Variants in WDPCP observed in about 807,000 individuals in gnomAD.
WDPCP encodes the protein WD repeat containing planar cell polarity effector.
WDPCP carries 71 observed loss-of-function variants against 93.1 expected under a neutral mutation model. The observed-to-expected ratio is 0.76, with a 90% confidence interval of 0.63 to 0.93. WDPCP has a LOEUF of 0.93. Ranked by LOEUF, WDPCP falls within the 40% of genes least tolerant of loss-of-function variation. The pLI, the probability that WDPCP is intolerant of heterozygous loss-of-function variation, is 0.00. For missense variants in WDPCP, 844 were observed against 887.4 expected (o/e 0.95, Z 0.62); for synonymous variants, 315 against 315.0 (o/e 1.00, Z 0.00).
At chr2:63,203,716 T>C (rs1676102195) in intron 14 of WDPCP, among the ~76,000 whole-genome samples, 1 of 152,200 alleles carries the variant, frequency 6.6e-6, no homozygotes, top group South Asian at 2.1e-4. Flanking sequence ...AATTTTTAGC[T>C]CTTATAAATA....
chr2:63,327,433 A>T (rs1338505568), intron 12 of WDPCP, among the ~76,000 whole-genome samples: 1 of 152,114 alleles, frequency 6.6e-6, no homozygotes, highest in African/African-American at 2.4e-5. Context: ...ATTACCACAC[A>T]CTCTCAAAGG....
chr2:63,315,280 G>A (rs536371214), intron 12 of WDPCP, among the ~76,000 whole-genome samples: 1 of 152,278 alleles, frequency 6.6e-6, no homozygotes, highest in East Asian at 1.9e-4. Flanking sequence ...CAAAACTCAA[G>A]TTAAAGGTGA....
chr2:63,254,140 A>G (rs1245208300), intron 14 of WDPCP, among the ~76,000 whole-genome samples: 1 of 152,170 alleles, frequency 6.6e-6, no homozygotes, highest in Non-Finnish European at 1.5e-5. Context: ...ATAGAAAACC[A>G]AATACCACAT....
chr2:63,210,920 C>T (rs1574883078), intron 14 of WDPCP, among the ~76,000 whole-genome samples: 1 of 152,324 alleles, frequency 6.6e-6, no homozygotes, highest in Non-Finnish European at 1.5e-5. Flanking sequence ...GGACACCCGC[C>T]ATTGCTGAGG....
At chr2:63,291,918 G>A (rs1684457838) in intron 13 of WDPCP, among the ~76,000 whole-genome samples, 1 of 151,884 alleles carries the variant, frequency 6.6e-6, no homozygotes, top group African/African-American at 2.4e-5. Flanking sequence ...CGGATCATGA[G>A]GTCAGGAGAT....
intron 3 of WDPCP, among the ~76,000 whole-genome samples, chr2:63,647,089 T>C (rs1296362920): frequency 6.6e-6 from 1 of 152,154 alleles, no homozygotes; most frequent in African/African-American, 2.4e-5. Context: ...GTGTGCTTCA[T>C]TGTTTTTTCT....
At chr2:63,582,808 G>C (rs1708581594) in intron 1 of WDPCP, among the ~76,000 whole-genome samples, 1 of 152,056 alleles carries the variant, frequency 6.6e-6, no homozygotes, top group South Asian at 2.1e-4. Context: ...TATCAATCTA[G>C]AACTCTATAT....
intron 15 of WDPCP, among the ~76,000 whole-genome samples, chr2:63,156,655 T>C (rs1241727146): frequency 1.3e-5 from 2 of 152,112 alleles, no homozygotes; most frequent in Admixed American, 6.5e-5. Flanking sequence ...GGGGAATTGC[T>C]TGAACCAGGG....
chr2:63,755,556 G>A (rs72808211), intron 2 of WDPCP, among the ~76,000 whole-genome samples: 3,857 of 152,234 alleles, frequency 0.025, 52 homozygotes, highest in Non-Finnish European at 0.04. Flanking sequence ...AAAAGTTGAC[G>A]TTAGTGAGCA....
chr2:63,766,221 T>C (rs1670134672), intron 2 of WDPCP, among the ~76,000 whole-genome samples: 1 of 152,210 alleles, frequency 6.6e-6, no homozygotes, highest in African/African-American at 2.4e-5. Flanking sequence ...AATCAGTGAG[T>C]CTCATCCCTC....
At chr2:63,756,512 A>G (rs1172795592) in intron 2 of WDPCP, among the ~76,000 whole-genome samples, 1 of 152,208 alleles carries the variant, frequency 6.6e-6, no homozygotes, top group African/African-American at 2.4e-5. Flanking sequence ...AGAATTTAAT[A>G]ACATTTACCT....
intron 14 of WDPCP, among the ~76,000 whole-genome samples, chr2:63,238,196 T>C (rs1478880393): frequency 6.6e-6 from 1 of 152,106 alleles, no homozygotes; most frequent in East Asian, 1.9e-4. Flanking sequence ...CTCAGATAAT[T>C]ACACCACTGA....
chr2:63,475,788 T>G (rs775653505), intron 6 of WDPCP, among the ~76,000 whole-genome samples: 107 of 152,128 alleles, frequency 7.0e-4, no homozygotes, highest in Non-Finnish European at 1.5e-3. Context: ...TTTCTTCTGT[T>G]GGCTTAATTT....
At chr2:63,567,104 A>G (rs943106451) in intron 1 of WDPCP, among the ~76,000 whole-genome samples, 1 of 152,130 alleles carries the variant, frequency 6.6e-6, no homozygotes, top group African/African-American at 2.4e-5. Context: ...GTGTTCACCA[A>G]CCCAGAAGCT....
chr2:63,593,107 G>GT (rs34177697), upstream of WDPCP: 6,203 of 147,246 alleles, frequency 0.042, 149 homozygotes, highest in Middle Eastern at 0.11. Flanking sequence ...GTTGTTTTTT[G>GT]TTTTTTTTTT....
At chr2:63,828,173 T>G (rs1413092205), upstream of WDPCP, among the ~76,000 whole-genome samples, 1 of 152,118 alleles carries the variant, frequency 6.6e-6, no homozygotes, top group Non-Finnish European at 1.5e-5. Context: ...TACTTTTTTT[T>G]TTTTTCATTC....
intron 3 of WDPCP, chr2:63,605,177 A>T: frequency 1.3e-6 from 1 of 757,386 alleles, no homozygotes; most frequent in Non-Finnish European, 2.2e-6. Context: ...GGGAAACATT[A>T]AGCTCTGGTC....
intron 12 of WDPCP, among the ~76,000 whole-genome samples, chr2:63,348,527 C>G (rs960325835): frequency 2.6e-5 from 4 of 152,032 alleles, no homozygotes; most frequent in African/African-American, 7.2e-5. Flanking sequence ...AGACTTTTTT[C>G]TGACAGCAAT....
intron 2 of WDPCP, among the ~76,000 whole-genome samples, chr2:63,682,837 T>A (rs1047535799): frequency 9.9e-5 from 15 of 152,130 alleles, no homozygotes; most frequent in Admixed American, 2.0e-4. Flanking sequence ...ATTCATATTA[T>A]GAGTAGAAAG....
Sources: allele counts gnomAD v4.1 joint callset (sites outside exome capture counted in the v4.1 genomes callset), GRCh38; gene constraint gnomAD v4.1.1; transcripts MANE v1.5; gene names NCBI Gene and HGNC (gene_info 2026-07-23, HGNC 2026-07-21).